OCSTAMP: variants seen among roughly 807,000 people sequenced by gnomAD.
The protein encoded by OCSTAMP is transmembrane protein C20orf123.
In OCSTAMP, 17 loss-of-function variants were observed where a neutral mutation model predicts 25.2. That is an observed-to-expected ratio of 0.68 (90% confidence interval 0.46 to 1.01). The LOEUF (loss-of-function observed/expected upper bound fraction) is 1.01. Among genes scored for constraint, OCSTAMP ranks in the 50% least tolerant of loss-of-function variants. The pLI is 0.00. For missense variants in OCSTAMP, 664 were observed against 694.6 expected, an observed-to-expected ratio of 0.96 and a Z score of 0.50; for synonymous variants, 345 against 318.9, an observed-to-expected ratio of 1.08 and a Z score of -0.87.
chr20:46,543,241 TTTCTTTCTTTCTTTCC>T (rs2061840375), intron 2 of OCSTAMP, among the ~76,000 whole-genome samples: 1 of 151,156 alleles, frequency 6.6e-6, no homozygotes, highest in African/African-American at 2.4e-5. Flanking sequence ...TTTTTCTTTC[TTTCTTTCTTTCTTTCC>T]TTCTTTCTTT....
intron 2 of OCSTAMP, among the ~76,000 whole-genome samples, chr20:46,543,973 C>T (rs1372052029): frequency 1.3e-5 from 2 of 152,074 alleles, no homozygotes; most frequent in Admixed American, 1.3e-4. Context: ...CTTTGGGAGG[C>T]TGAGGTGAGA....
At chr20:46,543,903 C>G (rs1168696873) in intron 2 of OCSTAMP, among the ~76,000 whole-genome samples, 1 of 151,982 alleles carries the variant, frequency 6.6e-6, no homozygotes, top group East Asian at 1.9e-4. Context: ...TTACTGTGAC[C>G]TATGGTAAGA....
intron 1 of OCSTAMP, among the ~76,000 whole-genome samples, chr20:46,547,485 G>A (rs1169981850): frequency 6.6e-6 from 1 of 152,162 alleles, no homozygotes; most frequent in Admixed American, 6.5e-5. Flanking sequence ...AGATAAGGAG[G>A]AACCAGCAAA....
At chr20:46,544,874 C>A (rs962125553) in intron 2 of OCSTAMP, among the ~76,000 whole-genome samples, 1 of 152,212 alleles carries the variant, frequency 6.6e-6, no homozygotes, top group African/African-American at 2.4e-5. Context: ...CTCCTCCAGT[C>A]TGACATAGAC....
chr20:46,542,361 C>T (rs2061837371), intron 2 of OCSTAMP, among the ~76,000 whole-genome samples: 1 of 152,094 alleles, frequency 6.6e-6, no homozygotes, highest in African/African-American at 2.4e-5. Flanking sequence ...GGGTGGATCA[C>T]TTGAAGTCAG....
intron 1 of OCSTAMP, among the ~76,000 whole-genome samples, chr20:46,548,572 C>G (rs2061860523): frequency 6.6e-6 from 1 of 152,156 alleles, no homozygotes; most frequent in Admixed American, 6.5e-5. Flanking sequence ...AACAAACGAA[C>G]TGGGGCAATA....
chr20:46,550,506 C>G lies in OCSTAMP; in HGVS notation c.44+11G>C. The G allele has an allele frequency of 6.4e-7, 1 of 1,551,346 alleles. No individual in the cohort carries two copies. The highest frequency in any genetic ancestry group is 2.0e-5 in the Admixed American group (1 of 51,000). On this transcript the variant is annotated intron_variant, in intron 1 of 2. Transcript: ENST00000279028. The stretch of plus-strand genomic sequence containing the variant: ...CCTGTAGCCCTCAGTGTCCAAAGTC[C>G]CCAGACCTACCCGGTCTTGACAAGT...
At chr20:46,543,305 C>CTTTCTCTCTTTCTCTTTCCTTT (rs1555872068) in intron 2 of OCSTAMP, among the ~76,000 whole-genome samples, 2 of 128,376 alleles carry the variant, frequency 1.6e-5, no homozygotes, top group Non-Finnish European at 3.1e-5. Flanking sequence ...CTTTCTCTTT[C>CTTTCTCTCTTTCTCTTTCCTTT]CTTTCTTTCT....
At position 46,546,084 on chromosome 20, in the gene OCSTAMP, C is replaced by A; in HGVS notation, c.290G>T (p.Gly97Val). The A allele has an allele frequency of 6.4e-7, 1 of 1,551,632 alleles. No homozygotes were observed. Among genetic ancestry groups the A allele is most frequent in the African/African-American group, 1.4e-5 (1 of 73,148 alleles). The change falls in exon 2 of 3, where the codon GGC becomes GTC. Residue 97 changes from glycine (G) to valine (V), a missense_variant. Gly to Val is a moderately radical substitution (Grantham distance 109). Transcript: ENST00000279028. ...VCGLLVFLSL[G>V]LVPPVRCLFA... ...CAGGCAGCGGACTGGGGGTACCAGGCCCAGGCTCAGGAAGACCAGGAGGCC... is the reference window on the plus strand; with the variant it reads ...CAGGCAGCGGACTGGGGGTACCAGGACCAGGCTCAGGAAGACCAGGAGGCC...
intron 2 of OCSTAMP, among the ~76,000 whole-genome samples, chr20:46,542,574 C>CAAAAA (rs3092597): frequency 0.012 from 1,227 of 100,356 alleles, 109 homozygotes; most frequent in African/African-American, 0.057. Flanking sequence ...GACTCTGTCT[C>CAAAAA]AAAAAAAAAA....
intron 2 of OCSTAMP, among the ~76,000 whole-genome samples, chr20:46,542,801 C>T (rs1432277989): frequency 2.0e-5 from 3 of 152,086 alleles, no homozygotes; most frequent in African/African-American, 7.2e-5. Context: ...TCTGCACTAA[C>T]CCAGGTGCAG....
chr20:46,543,385 G>T (rs1229960821), intron 2 of OCSTAMP, among the ~76,000 whole-genome samples: 1 of 139,712 alleles, frequency 7.2e-6, no homozygotes, highest in Admixed American at 7.4e-5. Context: ...TTGGAGTGCA[G>T]TGGAGCAATC....
chr20:46,545,206 G>T, intron 2 of OCSTAMP, 121 bp downstream of exon 2: 1 of 1,100,846 alleles, frequency 9.1e-7, no homozygotes, highest in Non-Finnish European at 1.2e-6. Context: ...GGGCCCCATG[G>T]ATGATTCAAG....
Position 46,550,487 on chromosome 20 carries a change from G to A in OCSTAMP, c.44+30C>T, listed in dbSNP as rs1185561589. The A allele has an allele frequency of 2.6e-6, 4 of 1,546,406 alleles. No homozygotes were observed. In the African/African-American group the frequency reaches 5.5e-5, roughly 21 times the overall value. On this transcript the variant is annotated intron_variant, in intron 1 of 2. Coordinates refer to ENST00000279028, the MANE Select transcript of OCSTAMP (RefSeq NM_080721.3). ...ATGGCTGACTGTTTTCTCACCTGTA[G>A]CCCTCAGTGTCCAAAGTCCCCAGAC...
intron 2 of OCSTAMP, among the ~76,000 whole-genome samples, chr20:46,543,145 T>C (rs1410266890): frequency 6.7e-6 from 1 of 150,042 alleles, no homozygotes; most frequent in Non-Finnish European, 1.5e-5. Context: ...TTCCCCTCCC[T>C]CCCTTCCTTC....
chr20:46,547,213 T>C (rs2061855938), intron 1 of OCSTAMP, among the ~76,000 whole-genome samples: 1 of 152,042 alleles, frequency 6.6e-6, no homozygotes, highest in Non-Finnish European at 1.5e-5. Context: ...AGAGGAGGAA[T>C]TCAGTTCAGA....
chr20:46,541,741 C>T lies in OCSTAMP; in HGVS notation c.1234G>A (p.Ala412Thr). Residue 412 changes from alanine (A) to threonine (T), a missense_variant, in exon 3 of 3, where the codon GCG becomes ACG. Transcript: ENST00000279028. ...PLAAGALQLL[A>T]GSTVLLEAYA... ...GCCTCCAGGAGCACCGTGGAGCCCG[C>T]CAGGAGCTGCAGGGCCCCCGCGGCC... The T allele has an allele frequency of 6.5e-7, 1 of 1,545,904 alleles. No individual in the cohort carries two copies. Among genetic ancestry groups the T allele is most frequent in the South Asian group, 1.2e-5 (1 of 83,822 alleles).
In OCSTAMP at chr20:46,541,601, G is replaced by A; in HGVS notation, c.1374C>T (p.Gly458=). The A allele has an allele frequency of 6.4e-7, 1 of 1,551,632 alleles. No homozygotes were observed. The highest frequency in any genetic ancestry group is 1.4e-5 in the African/African-American group (1 of 73,184). Residue 458 remains glycine (G), a synonymous_variant, in exon 3 of 3, where the codon GGC becomes GGT. Transcript: ENST00000279028. The part of the protein sequence containing the change: ...RLQRRHDRHQ[G]QQLPLGDPSC... ...AAGGATCCCCTAGGGGCAGCTGCTG[G>A]CCTTGGTGCCTGTCGTGTCTTCGCT...
intron 2 of OCSTAMP, among the ~76,000 whole-genome samples, chr20:46,542,378 G>A (rs571912051): frequency 1.6e-3 from 245 of 152,134 alleles, no homozygotes; most frequent in Non-Finnish European, 3.1e-3. Context: ...TCAGGAGTTC[G>A]AGACCAGCTT....
Sources: allele counts gnomAD v4.1 joint callset (sites outside exome capture counted in the v4.1 genomes callset), GRCh38; gene constraint gnomAD v4.1.1; transcripts MANE v1.5; gene names NCBI Gene and HGNC (gene_info 2026-07-23, HGNC 2026-07-21).